The following EIF3D variants were observed in gnomAD, a reference collection of about 807,000 sequenced individuals.
The protein encoded by EIF3D is eukaryotic translation initiation factor 3 subunit D.
In EIF3D, 10 loss-of-function variants were observed where a neutral mutation model predicts 75.4. The ratio of observed to expected loss-of-function variants is 0.13; its 90% CI spans 0.08 to 0.22. The LOEUF (loss-of-function observed/expected upper bound fraction) is 0.22, where lower values mean the gene tolerates loss of function less well. Among genes scored for constraint, EIF3D ranks in the 10% least tolerant of loss-of-function variants. The pLI, the probability that EIF3D is intolerant of heterozygous loss-of-function variation, is 1.00. For synonymous variants in EIF3D, 246 were observed against 248.3 expected (o/e 0.99, Z 0.09); for missense variants, 394 against 708.0 (o/e 0.56, Z 5.03).
chr22:36,526,056 G>A lies in EIF3D; in HGVS notation c.66C>T (p.Pro22=), dbSNP rs753452980. The change falls in exon 2 of 15, where the codon CCC becomes CCT. Residue 22 remains proline, a synonymous_variant. Transcript: ENST00000216190. The part of the protein sequence containing the change: ...NPSGWGPCAV[P]EQFRDMPYQP... ...GGTAGGGCATATCCCGAAACTGCTC[G>A]GGAACCGCACAGGGACCCCAGCCTG... is the stretch of plus-strand genomic sequence containing the variant. The A allele has an allele frequency of 8.7e-6, 14 of 1,613,618 alleles. No homozygotes were observed. Among genetic ancestry groups the A allele is most frequent in the Admixed American group, 5.0e-5 (3 of 59,920 alleles).
chr22:36,517,088 C>T (rs1934438923), intron 10 of EIF3D, among the ~76,000 whole-genome samples: 1 of 152,166 alleles, frequency 6.6e-6, no homozygotes, highest in South Asian at 2.1e-4. Flanking sequence ...GTGTTTCCTC[C>T]TCCACTATCA....
rs762976929 is a variant in EIF3D, at chr22:36,512,508, C to G, written c.1301G>C (p.Arg434Pro). The change falls in exon 13 of 15, where the codon CGG becomes CCG. Residue 434 changes from arginine to proline, a missense_variant. Arg to Pro is a moderately radical substitution (Grantham distance 103). Transcript: ENST00000216190. ...AGCCAGCAAAGCACAGCAGGTCCAC[C>G]GGGCCAACTTGTAGCTGTTGTTCTT... is the stretch of plus-strand genomic sequence containing the variant. Reference protein sequence around the residue: ...ELKNNSYKLARWTCCALLAGS... With the variant: ...ELKNNSYKLAPWTCCALLAGS... 6.2e-7 allele frequency: 1 copy of G among 1,614,100 alleles called. No homozygotes were observed. The highest frequency in any genetic ancestry group is 8.5e-7 in the Non-Finnish European group (1 of 1,180,046).
At chr22:36,518,733 T>G (rs1287646952) in intron 9 of EIF3D, 30 bp downstream of exon 9, 1 of 1,612,248 alleles carries the variant, frequency 6.2e-7, no homozygotes, top group Non-Finnish European at 8.5e-7. Flanking sequence ...ACTCAATGCC[T>G]TTGAGTTGCT....
chr22:36,523,855 C>T, intron 5 of EIF3D, 40 bp downstream of exon 5: 1 of 1,590,094 alleles, frequency 6.3e-7, no homozygotes. Context: ...TACGGCCAGT[C>T]TGGGAAGGGT....
Position 36,518,883 on chromosome 22 carries a change from C to T in EIF3D, c.739G>A (p.Ala247Thr). Reference protein sequence around the residue: ...KLAKTQGNVFATDAILATLMS... With the variant: ...KLAKTQGNVFTTDAILATLMS... Reference sequence around the variant, plus strand: ...AGCGTGGCCAGGATGGCATCAGTGGCAAACACATTCCCCTGAGTTTTTGCC... The same window carrying T: ...AGCGTGGCCAGGATGGCATCAGTGGTAAACACATTCCCCTGAGTTTTTGCC... The change falls in exon 9 of 15, where the codon GCC becomes ACC. Residue 247 changes from alanine (A) to threonine (T), a missense_variant. Coordinates refer to ENST00000216190, the MANE Select transcript of EIF3D (RefSeq NM_003753.4). The T allele has an allele frequency of 6.2e-7, 1 of 1,614,154 alleles. No individual in the cohort carries two copies. The highest frequency in any genetic ancestry group is 8.5e-7 in the Non-Finnish European group (1 of 1,180,032).
chr22:36,512,855 A>C, intron 12 of EIF3D: 1 of 391,134 alleles, frequency 2.6e-6, no homozygotes, highest in Non-Finnish European at 4.5e-6. Context: ...ATGGACACAC[A>C]CGGACACACA....
intron 1 of EIF3D, 135 bp from the exon 2 acceptor site, chr22:36,526,266 G>A (rs139720271): frequency 1.1e-6 from 1 of 887,892 alleles, no homozygotes; most frequent in Non-Finnish European, 1.6e-6. Context: ...CTCAACTGTT[G>A]AGCGACTACT....
intron 1 of EIF3D, among the ~76,000 whole-genome samples, chr22:36,527,814 C>T (rs6000301): frequency 0.24 from 37,071 of 152,082 alleles, 5,309 homozygotes; most frequent in African/African-American, 0.4. Flanking sequence ...CTCAAAAAAA[C>T]AAAAATCAAA....
chr22:36,510,973 T>G lies in EIF3D; in HGVS notation c.*14A>C. Reference sequence around the variant, plus strand: ...TCTCGGTGGAAGGACAAACTCCAGCTCCACATCACTGGTTTAAGTTTCTTC... The same window carrying G: ...TCTCGGTGGAAGGACAAACTCCAGCGCCACATCACTGGTTTAAGTTTCTTC... On this transcript the variant is annotated 3_prime_UTR_variant, in exon 15 of 15. Transcript: ENST00000216190. 2 of 1,594,538 alleles carry G rather than the reference T, an allele frequency of 1.3e-6. No homozygotes were observed. Among genetic ancestry groups the G allele is most frequent in the East Asian group, 4.6e-5 (2 of 43,752 alleles).
At chr22:36,511,878 T>C in intron 13 of EIF3D, 92 bp from the exon 14 acceptor site, 2 of 1,481,752 alleles carry the variant, frequency 1.3e-6, no homozygotes, top group Non-Finnish European at 1.8e-6. Flanking sequence ...TGATACCTGG[T>C]CCACTGCTAT....
chr22:36,514,652 C>T (rs1181065295), intron 12 of EIF3D, among the ~76,000 whole-genome samples: 2 of 152,136 alleles, frequency 1.3e-5, no homozygotes, highest in African/African-American at 4.8e-5. Flanking sequence ...CCAAGAGAGG[C>T]TCCCAGCTGA....
chr22:36,513,542 A>G (rs1034065320), intron 12 of EIF3D, among the ~76,000 whole-genome samples: 2 of 152,172 alleles, frequency 1.3e-5, no homozygotes, highest in African/African-American at 4.8e-5. Flanking sequence ...ACCTCAGGTG[A>G]TCCACTCGCC....
intron 12 of EIF3D, 180 bp from the exon 13 acceptor site, chr22:36,512,782 A>G: frequency 1.5e-6 from 1 of 662,038 alleles, no homozygotes; most frequent in South Asian, 2.1e-5. Context: ...CCTGCCGCAC[A>G]GCAGTCACTC....
Position 36,529,141 on chromosome 22 carries a change from G to T in EIF3D, c.-76C>A. ...CGTGCCGGGGACCGCGTTAGCAGCAGCACTCTTGAGAAACCAGGAAAAGAG... is the reference window on the plus strand; with the variant it reads ...CGTGCCGGGGACCGCGTTAGCAGCATCACTCTTGAGAAACCAGGAAAAGAG... On this transcript the variant is annotated 5_prime_UTR_variant, in exon 1 of 15. It adds an upstream start codon to the 5' untranslated region. Coordinates refer to ENST00000216190, the MANE Select transcript of EIF3D (RefSeq NM_003753.4). 2.5e-6 allele frequency: 1 copy of T among 396,200 alleles called. No homozygotes were observed. The allele number at this position is 396,200 out of a possible 1,614,324, so 24.5% of individuals were successfully genotyped here. A position where few individuals can be genotyped will look rare whatever the true frequency, so the allele number is the denominator to read the frequency against.
chr22:36,511,897 T>TTC (rs921676150), intron 13 of EIF3D, 111 bp from the exon 14 acceptor site: 25 of 1,405,078 alleles, frequency 1.8e-5, no homozygotes, highest in African/African-American at 4.4e-5. Flanking sequence ...ATTTTTTCTT[T>TTC]TTTTTTTTTT....
chr22:36,528,023 C>G (rs1934633280), intron 1 of EIF3D, among the ~76,000 whole-genome samples: 1 of 152,102 alleles, frequency 6.6e-6, no homozygotes, highest in Admixed American at 6.5e-5. Context: ...GTGGTGGTCT[C>G]AGAACAATTT....
intron 12 of EIF3D, among the ~76,000 whole-genome samples, chr22:36,514,654 C>T (rs546803868): frequency 6.6e-6 from 1 of 152,134 alleles, no homozygotes; most frequent in Non-Finnish European, 1.5e-5. Flanking sequence ...AAGAGAGGCT[C>T]CCAGCTGACA....
rs1934430974 is a variant in EIF3D at position 36,516,614 on chromosome 22, C to T, written c.1077-7G>A. 1 of 1,613,714 alleles carries T rather than the reference C, an allele frequency of 6.2e-7. No individual in the cohort carries two copies. The highest frequency in any genetic ancestry group is 8.5e-7 in the Non-Finnish European group (1 of 1,179,808). On this transcript the variant is annotated splice_polypyrimidine_tract_variant and splice_region_variant and intron_variant, in intron 11 of 14. Coordinates refer to ENST00000216190, the MANE Select transcript of EIF3D (RefSeq NM_003753.4). ...AAGCTTCCACCTGCGGTAACTGCAG[C>T]AAAAAAGAAACTCATGTGGTCACTG...
rs201479048 is a variant in EIF3D at position 36,516,806 on chromosome 22, T to A, written c.991-16A>T. The A allele has an allele frequency of 6.2e-7, 1 of 1,612,676 alleles. No individual in the cohort carries two copies. The highest frequency in any genetic ancestry group is 1.7e-5 in the Admixed American group (1 of 60,014). On this transcript the variant is annotated splice_polypyrimidine_tract_variant and intron_variant, in intron 10 of 14. Transcript: ENST00000216190. ...TTTCCTTCCCCTGCAAAAACAAAGGTGTCACAAGACAGAGCTAACTTTGTT... is the reference window on the plus strand; with the variant it reads ...TTTCCTTCCCCTGCAAAAACAAAGGAGTCACAAGACAGAGCTAACTTTGTT...
Sources: gnomAD v4.1 joint callset for allele counts (sites outside exome capture counted in the v4.1 genomes callset) on GRCh38, gnomAD v4.1.1 for gene constraint, MANE v1.5 for transcripts, NCBI Gene and HGNC (gene_info 2026-07-23, HGNC 2026-07-21) for gene names.